COX10: variants seen among roughly 807,000 people sequenced by gnomAD.
COX10 encodes the protein protoheme IX farnesyltransferase, mitochondrial.
A neutral mutation model predicts 37.3 loss-of-function variants in COX10; 27 were observed. That is an observed-to-expected ratio of 0.72 (90% CI 0.53 to 1.00). The LOEUF is 1.00. COX10 is among the 50% of genes least tolerant of loss of function. COX10 has a pLI of 0.00. For missense variants in COX10, 475 were observed against 563.2 expected (o/e 0.84, Z 1.59); for synonymous variants, 222 against 229.1 (o/e 0.97, Z 0.28).
chr17:14,118,744 A>G lies in COX10; in HGVS notation c.624+16502A>G, dbSNP rs80240561. 4.0e-3 allele frequency among the ~76,000 whole-genome samples: 614 copies of G among 152,274 alleles called. 1 individual carries two copies. The highest frequency in any genetic ancestry group is 6.8e-3 in the Middle Eastern group (2 of 294). On this transcript the variant is annotated intron_variant, in intron 4 of 6. Coordinates refer to ENST00000261643, the MANE Select transcript of COX10 (RefSeq NM_001303.4). ...ATATTTCATGGTAAAGTATATTTCA[A>G]AAATTTAGATCTGTATCTGTTTTTG... is the stretch of plus-strand genomic sequence containing the variant.
chr17:14,106,841 T>TA (rs1915903655), intron 4 of COX10, among the ~76,000 whole-genome samples: 1 of 152,198 alleles, frequency 6.6e-6, no homozygotes, highest in African/African-American at 2.4e-5. Flanking sequence ...TGCCTTTGTC[T>TA]AAGGGCTATT....
chr17:14,136,928 C>A (rs1199364488), intron 4 of COX10, among the ~76,000 whole-genome samples: 3 of 151,914 alleles, frequency 2.0e-5, no homozygotes, highest in South Asian at 2.1e-4. Context: ...ATTAAAACTT[C>A]AAGTTTACTT....
At chr17:14,165,156 A>G (rs997765478) in intron 5 of COX10, among the ~76,000 whole-genome samples, 4 of 152,268 alleles carry the variant, frequency 2.6e-5, no homozygotes, top group African/African-American at 9.6e-5. Context: ...ATATAAATGT[A>G]AAGTGTAATG....
chr17:14,078,738 G>A (rs75457049), intron 3 of COX10, among the ~76,000 whole-genome samples: 4 of 152,078 alleles, frequency 2.6e-5, no homozygotes, highest in Admixed American at 6.5e-5. Context: ...TATTGCTTTC[G>A]ATTTTCCTAA....
At chr17:14,141,446 A>G (rs779515389) in intron 4 of COX10, among the ~76,000 whole-genome samples, 1 of 148,414 alleles carries the variant, frequency 6.7e-6, no homozygotes, top group South Asian at 2.2e-4. Flanking sequence ...GTAGGATGGC[A>G]TAGAGTCCAG....
At chr17:14,195,182 G>A (rs1324703277) in intron 6 of COX10, among the ~76,000 whole-genome samples, 2 of 152,174 alleles carry the variant, frequency 1.3e-5, no homozygotes, top group Non-Finnish European at 2.9e-5. Flanking sequence ...TAATTTGATA[G>A]AACCAACTTG....
chr17:14,192,806 T>C (rs1377236245), intron 6 of COX10, among the ~76,000 whole-genome samples: 1 of 152,194 alleles, frequency 6.6e-6, no homozygotes, highest in East Asian at 1.9e-4. Flanking sequence ...TTTTACCATG[T>C]GTAAGGGAAG....
At chr17:14,083,986 C>A (rs116935344) in intron 3 of COX10, among the ~76,000 whole-genome samples, 395 of 152,180 alleles carry the variant, frequency 2.6e-3, no homozygotes, top group South Asian at 7.3e-3. Context: ...TTTATTGGAA[C>A]CAATAGATTA....
chr17:14,078,228 G>A (rs922386351), intron 3 of COX10, among the ~76,000 whole-genome samples: 2 of 152,106 alleles, frequency 1.3e-5, no homozygotes, highest in African/African-American at 4.8e-5. Context: ...ATTTACACAA[G>A]TGGCCTGAGT....
chr17:14,132,664 A>G (rs202052042), intron 4 of COX10, among the ~76,000 whole-genome samples: 2 of 151,694 alleles, frequency 1.3e-5, no homozygotes, highest in East Asian at 3.8e-4. Context: ...GGATATATTC[A>G]TAGTTTAACC....
chr17:14,144,659 T>C (rs1904656279), intron 4 of COX10, among the ~76,000 whole-genome samples: 1 of 152,206 alleles, frequency 6.6e-6, no homozygotes, highest in South Asian at 2.1e-4. Flanking sequence ...TTTGCAAAGA[T>C]GGAATTGTAG....
At chr17:14,076,382 T>A (rs1339364626) in intron 2 of COX10, among the ~76,000 whole-genome samples, 1 of 152,064 alleles carries the variant, frequency 6.6e-6, no homozygotes, top group Non-Finnish European at 1.5e-5. Context: ...GCTGGGCCCT[T>A]GATTATTGAA....
At chr17:14,166,351 A>T (rs1348104941) in intron 5 of COX10, among the ~76,000 whole-genome samples, 1 of 152,224 alleles carries the variant, frequency 6.6e-6, no homozygotes, top group Admixed American at 6.5e-5. Context: ...ACTCTTAAGA[A>T]TTACACTAAA....
rs756214111 is a variant in COX10 at position 14,144,440 on chromosome 17, T to A, written c.625-15437T>A. Among the ~76,000 whole-genome samples, 110 of 152,280 alleles carry A rather than the reference T, an allele frequency of 7.2e-4. 1 individual carries two copies. Among genetic ancestry groups the A allele is most frequent in the Middle Eastern group, 6.8e-3 (2 of 294 alleles). ...TGCAAGGATTTATTAACTATGAAAG[T>A]CTTGTATTCATATTAGATTGTGGTG... On this transcript the variant is annotated intron_variant, in intron 4 of 6. Coordinates refer to ENST00000261643, the MANE Select transcript of COX10 (RefSeq NM_001303.4).
intron 3 of COX10, among the ~76,000 whole-genome samples, chr17:14,085,441 A>G (rs1915388737): frequency 6.6e-6 from 1 of 152,132 alleles, no homozygotes; most frequent in East Asian, 1.9e-4. Context: ...TATTTAGTTT[A>G]TTGAACCATT....
At chr17:14,154,633 G>A (rs930403971) in intron 4 of COX10, among the ~76,000 whole-genome samples, 1 of 152,180 alleles carries the variant, frequency 6.6e-6, no homozygotes, top group African/African-American at 2.4e-5. Context: ...GTTAAGTGAA[G>A]ATTCAAGGAA....
intron 5 of COX10, among the ~76,000 whole-genome samples, chr17:14,184,305 G>A: frequency 6.6e-6 from 1 of 152,152 alleles, no homozygotes; most frequent in Non-Finnish European, 1.5e-5. Context: ...TAAATAACTA[G>A]TTAACTTCAG....
chr17:14,082,204 C>A (rs1213147734), intron 3 of COX10, among the ~76,000 whole-genome samples: 3 of 152,002 alleles, frequency 2.0e-5, no homozygotes, highest in African/African-American at 7.3e-5. Flanking sequence ...ATGGACCCGG[C>A]AAGGAAATAA....
rs527441996 is a variant in COX10, at chr17:14,079,770, G to A, written c.499+2714G>A. Among the ~76,000 whole-genome samples, 10 of 151,384 alleles carry A rather than the reference G, an allele frequency of 6.6e-5. No homozygotes were observed. The South Asian group carries it at 1.0e-3, about 16-fold the overall frequency. ...GATAAAAACCCCTGTGTGAAATGTCGCCTTCTCTATATAGACACATATGCA... is the reference window on the plus strand; with the variant it reads ...GATAAAAACCCCTGTGTGAAATGTCACCTTCTCTATATAGACACATATGCA... On this transcript the variant is annotated intron_variant, in intron 3 of 6. Coordinates refer to ENST00000261643, the MANE Select transcript of COX10 (RefSeq NM_001303.4).
Sources: allele counts gnomAD v4.1 joint callset (sites outside exome capture counted in the v4.1 genomes callset), GRCh38; gene constraint gnomAD v4.1.1; transcripts MANE v1.5; gene names NCBI Gene and HGNC (gene_info 2026-07-23, HGNC 2026-07-21).